NRXN3: variants seen among roughly 807,000 people sequenced by gnomAD.
NRXN3 encodes the protein neurexin 3.
Under a neutral mutation model 137.6 loss-of-function variants are expected in NRXN3, and 32 were observed. The observed-to-expected ratio is 0.23, with a 90% CI of 0.18 to 0.31. NRXN3 has a LOEUF of 0.31. NRXN3 is among the 10% of genes least tolerant of loss of function. The pLI, the probability that NRXN3 is intolerant of heterozygous loss-of-function variation, is 1.00. For missense variants in NRXN3, 1,574 were observed against 2,062.5 expected (o/e 0.76, Z 4.59); for synonymous variants, 798 against 784.5 (o/e 1.02, Z -0.29).
chr14:79,529,498 AG>A (rs2097150937), intron 16 of NRXN3, among the ~76,000 whole-genome samples: 1 of 152,186 alleles, frequency 6.6e-6, no homozygotes, highest in Non-Finnish European at 1.5e-5. Flanking sequence ...ACAATATGAG[AG>A]GGTCTCTCTC....
chr14:79,297,434 G>A (rs2084372372), intron 15 of NRXN3, among the ~76,000 whole-genome samples: 1 of 152,094 alleles, frequency 6.6e-6, no homozygotes, highest in Admixed American at 6.6e-5. Flanking sequence ...GAAATTCAAA[G>A]TTAACTGGGC....
chr14:78,490,216 C>G lies in NRXN3; in HGVS notation c.758-154904C>G, dbSNP rs11621418. ...GTGTGATCCACCACACCCGGCCTCC[C>G]AAAGTGCTGGGATTACAGGTGTGAT... On this transcript the variant is annotated intron_variant, in intron 4 of 20. Transcript: ENST00000335750. Among the ~76,000 whole-genome samples, 199 of 23,158 alleles carry G rather than the reference C, an allele frequency of 8.6e-3. 2 individuals are homozygous for G. The highest frequency in any genetic ancestry group is 0.044 in the African/African-American group (170 of 3,846). The allele number at this position is 23,158 out of a possible 152,430, so 15.2% of individuals were successfully genotyped here.
At chr14:78,831,147 C>A (rs1279391647) in intron 10 of NRXN3, among the ~76,000 whole-genome samples, 2 of 152,076 alleles carry the variant, frequency 1.3e-5, no homozygotes, top group Non-Finnish European at 2.9e-5. Flanking sequence ...TTTATGGGAC[C>A]AAGGTCACGT....
intron 4 of NRXN3, among the ~76,000 whole-genome samples, chr14:78,464,596 A>G (rs961802211): frequency 2.0e-5 from 3 of 152,248 alleles, no homozygotes; most frequent in Non-Finnish European, 2.9e-5. Flanking sequence ...TTTTAAAATT[A>G]TACAAGAAAA....
chr14:79,012,014 G>A (rs1374043307), intron 15 of NRXN3, among the ~76,000 whole-genome samples: 1 of 152,198 alleles, frequency 6.6e-6, no homozygotes, highest in African/African-American at 2.4e-5. Flanking sequence ...TTTGTTGACT[G>A]TTGTGAAGAC....
intron 16 of NRXN3, among the ~76,000 whole-genome samples, chr14:79,639,156 G>T (rs1004447698): frequency 6.6e-6 from 1 of 152,078 alleles, no homozygotes; most frequent in Non-Finnish European, 1.5e-5. Context: ...AAATCCATTT[G>T]AAATGCTTAC....
In NRXN3 at chr14:79,205,333, T is replaced by C. The variant is rs371990693; in HGVS notation, c.3262+217192T>C. 1.1e-4 allele frequency among the ~76,000 whole-genome samples: 17 copies of C among 152,148 alleles called. No individual in the cohort carries two copies. In the East Asian group the frequency reaches 3.3e-3, roughly 29 times the overall value. On this transcript the variant is annotated intron_variant, in intron 15 of 20. Transcript: ENST00000335750. Reference sequence around the variant, plus strand: ...TTAACATTGGTGTTTTTAATATATATCTTAAAACTATAATTTTTGAGCTAA... The same window carrying C: ...TTAACATTGGTGTTTTTAATATATACCTTAAAACTATAATTTTTGAGCTAA...
intron 4 of NRXN3, among the ~76,000 whole-genome samples, chr14:78,444,365 C>G (rs369114403): frequency 1.3e-5 from 2 of 152,148 alleles, no homozygotes; most frequent in African/African-American, 4.8e-5. Context: ...TTTTTCTGCT[C>G]CATCATGCGG....
intron 4 of NRXN3, among the ~76,000 whole-genome samples, chr14:78,598,756 G>A (rs1255383395): frequency 6.6e-6 from 1 of 152,214 alleles, no homozygotes; most frequent in African/African-American, 2.4e-5. Context: ...ATTGGCTAAG[G>A]TTTGCAGAGG....
At chr14:79,145,669 A>G (rs1459122486) in intron 15 of NRXN3, among the ~76,000 whole-genome samples, 2 of 152,208 alleles carry the variant, frequency 1.3e-5, no homozygotes, top group African/African-American at 4.8e-5. Flanking sequence ...TTCTCTTTCA[A>G]TGCACAACTC....
intron 15 of NRXN3, among the ~76,000 whole-genome samples, chr14:79,359,752 G>A (rs1281898111): frequency 1.3e-5 from 2 of 151,788 alleles, no homozygotes; most frequent in African/African-American, 2.4e-5. Context: ...TGTATTTTTA[G>A]TAGACATGGG....
chr14:78,202,434 T>C (rs1483577982), intron 1 of NRXN3, among the ~76,000 whole-genome samples: 1 of 152,222 alleles, frequency 6.6e-6, no homozygotes, highest in African/African-American at 2.4e-5. Flanking sequence ...TGTCAAGTGC[T>C]TGGACTTACT....
At chr14:79,439,052 C>T (rs913970940) in intron 15 of NRXN3, among the ~76,000 whole-genome samples, 2 of 152,234 alleles carry the variant, frequency 1.3e-5, no homozygotes, top group African/African-American at 4.8e-5. Context: ...CAGTTATTTT[C>T]TCTGCAAGAT....
Position 78,779,013 on chromosome 14 carries a change from G to A in NRXN3, c.2045-24607G>A, listed in dbSNP as rs183353469. 3.3e-3 allele frequency among the ~76,000 whole-genome samples: 499 copies of A among 151,804 alleles called. 2 individuals are homozygous for A. Among genetic ancestry groups the A allele is most frequent in the African/African-American group, 0.011 (471 of 41,386 alleles). On this transcript the variant is annotated intron_variant, in intron 8 of 20. Coordinates refer to ENST00000335750, the MANE Select transcript of NRXN3 (RefSeq NM_001330195.2). ...TGAGTCCACTTGTTACAAGGACCCTGGAAAATGAAATCAACTTGGATAGAA... is the reference window on the plus strand; with the variant it reads ...TGAGTCCACTTGTTACAAGGACCCTAGAAAATGAAATCAACTTGGATAGAA...
chr14:79,859,917 G>A (rs932647116), intron 20 of NRXN3, among the ~76,000 whole-genome samples: 1 of 152,056 alleles, frequency 6.6e-6, no homozygotes, highest in Non-Finnish European at 1.5e-5. Context: ...AAAGAGACAT[G>A]GACTATGACT....
intron 19 of NRXN3, among the ~76,000 whole-genome samples, chr14:79,757,732 C>T (rs1379116840): frequency 1.3e-5 from 2 of 152,100 alleles, no homozygotes; most frequent in Non-Finnish European, 2.9e-5. Flanking sequence ...TGGACATGAC[C>T]TTTCAGGACC....
chr14:79,386,130 A>G (rs1343674046), intron 15 of NRXN3, among the ~76,000 whole-genome samples: 1 of 152,190 alleles, frequency 6.6e-6, no homozygotes, highest in Non-Finnish European at 1.5e-5. Context: ...AAGGAAATAA[A>G]GGGTATTCAA....
intron 4 of NRXN3, among the ~76,000 whole-genome samples, chr14:78,547,868 C>G (rs2096651295): frequency 6.6e-6 from 1 of 151,864 alleles, no homozygotes; most frequent in South Asian, 2.1e-4. Flanking sequence ...ATTAATTAAA[C>G]AAGAAAAATA....
chr14:78,952,377 A>C (rs1164269599), intron 10 of NRXN3, among the ~76,000 whole-genome samples: 1 of 152,174 alleles, frequency 6.6e-6, no homozygotes, highest in Non-Finnish European at 1.5e-5. Context: ...CAGAACATAA[A>C]ACGCCTTTTT....
Sources: gnomAD v4.1 joint callset for allele counts (sites outside exome capture counted in the v4.1 genomes callset) on GRCh38, gnomAD v4.1.1 for gene constraint, MANE v1.5 for transcripts, NCBI Gene and HGNC (gene_info 2026-07-23, HGNC 2026-07-21) for gene names.